Variants in STK32A observed in about 807,000 individuals in gnomAD.
The protein encoded by STK32A is serine/threonine kinase 32A, also known as serine/threonine-protein kinase 32A.
A neutral mutation model predicts 53.2 loss-of-function variants in STK32A; 41 were observed. That is an observed-to-expected ratio of 0.77 (90% confidence interval 0.60 to 1.00). The LOEUF (loss-of-function observed/expected upper bound fraction) is 1.00, where lower values mean the gene tolerates loss of function less well. Ranked by LOEUF, STK32A falls within the 50% of genes least tolerant of loss-of-function variation. The pLI is 0.00. For missense variants in STK32A, 458 were observed against 485.8 expected (o/e 0.94, Z 0.54); for synonymous variants, 166 against 162.8 (o/e 1.02, Z -0.15).
chr5:147,256,751 A>G (rs568331784), intron 2 of STK32A, among the ~76,000 whole-genome samples: 17 of 152,240 alleles, frequency 1.1e-4, no homozygotes, highest in African/African-American at 4.1e-4. Flanking sequence ...ACCTCAGGTG[A>G]TCCCCCTGCC....
chr5:147,307,511 A>G (rs903900941), intron 4 of STK32A, among the ~76,000 whole-genome samples: 2 of 151,842 alleles, frequency 1.3e-5, no homozygotes, highest in Non-Finnish European at 2.9e-5. Flanking sequence ...AATCCCAGCT[A>G]CTTGGGAAGC....
intron 6 of STK32A, among the ~76,000 whole-genome samples, chr5:147,345,858 G>T (rs564371734): frequency 2.3e-4 from 35 of 152,204 alleles, no homozygotes; most frequent in African/African-American, 5.1e-4. Flanking sequence ...GAATTAAGAA[G>T]AGGCTTTTCT....
At chr5:147,401,000 C>T in the STK32A span, among the ~76,000 whole-genome samples, 1 of 152,156 alleles carries the variant, frequency 6.6e-6, no homozygotes, top group African/African-American at 2.4e-5. Context: ...TCTTCCCCTC[C>T]CTGGGCTCAG....
intron 8 of STK32A, among the ~76,000 whole-genome samples, chr5:147,367,870 C>T (rs968872467): frequency 6.6e-6 from 1 of 152,170 alleles, no homozygotes; most frequent in Non-Finnish European, 1.5e-5. Context: ...ACCAACTATG[C>T]TACCTGCAAT....
At position 147,289,337 on chromosome 5, in the gene STK32A, C is replaced by G. The variant is rs567516793; in HGVS notation, c.260+9939C>G. On this transcript the variant is annotated intron_variant, in intron 4 of 12. Transcript: ENST00000397936. ...TATTATTTATAAAGTAACAGCAATACTTTTAAAATTTCTGCCTTCTTTGTG... is the reference window on the plus strand; with the variant it reads ...TATTATTTATAAAGTAACAGCAATAGTTTTAAAATTTCTGCCTTCTTTGTG... 3.3e-5 allele frequency among the ~76,000 whole-genome samples: 5 copies of G among 152,238 alleles called. No individual in the cohort carries two copies. The South Asian group carries it at 1.0e-3, about 32-fold the overall frequency.
intron 4 of STK32A, among the ~76,000 whole-genome samples, chr5:147,311,767 C>T (rs1054865761): frequency 4.6e-5 from 7 of 152,100 alleles, no homozygotes; most frequent in Non-Finnish European, 7.4e-5. Flanking sequence ...AAAAACACAC[C>T]TTTTTAAGAC....
intron 6 of STK32A, 79 bp downstream of exon 6, chr5:147,343,122 C>T (rs2151988829): frequency 1.4e-6 from 2 of 1,460,646 alleles, no homozygotes; most frequent in Non-Finnish European, 1.9e-6. Flanking sequence ...AGGGGTATTA[C>T]ACATGAAAAA....
In STK32A at chr5:147,318,585, T is replaced by C. The variant is rs1754131661; in HGVS notation, c.261-5313T>C. 2.0e-5 allele frequency among the ~76,000 whole-genome samples: 3 copies of C among 150,538 alleles called. No homozygotes were observed. The South Asian group carries it at 6.4e-4, about 32-fold the overall frequency. ...TTTGAGACCAGCGTGGACAACATAG[T>C]GAGCCCTCACCTCTACTAAAAATTA... On this transcript the variant is annotated intron_variant, in intron 4 of 12. Transcript: ENST00000397936.
intron 1 of STK32A, among the ~76,000 whole-genome samples, chr5:147,237,372 G>A (rs1306046065): frequency 6.6e-6 from 1 of 151,994 alleles, no homozygotes; most frequent in Non-Finnish European, 1.5e-5. Flanking sequence ...GCCATCAGTG[G>A]TTCAGTCCTT....
chr5:147,339,413 C>G (rs1201860687), intron 5 of STK32A, among the ~76,000 whole-genome samples: 1 of 152,220 alleles, frequency 6.6e-6, no homozygotes, highest in Non-Finnish European at 1.5e-5. Context: ...GCTACATGGG[C>G]AGAGCCCTTA....
At chr5:147,397,526 T>C in the STK32A span, 1 of 930,436 alleles carries the variant, frequency 1.1e-6, no homozygotes, top group East Asian at 2.6e-5. Context: ...GTCTGTGTAG[T>C]TGTTCTTGGG....
At position 147,279,417 on chromosome 5, in the gene STK32A, C is replaced by T; in HGVS notation, c.260+19C>T. The T allele has an allele frequency of 6.4e-7, 1 of 1,554,904 alleles. No individual in the cohort carries two copies. Among genetic ancestry groups the T allele is most frequent in the Non-Finnish European group, 8.7e-7 (1 of 1,148,828 alleles). ...ATTTGTGGTGAGTAATTTTACTGGACCTCTGAATAGAGACACTCCTGTTAT... is the reference window on the plus strand; with the variant it reads ...ATTTGTGGTGAGTAATTTTACTGGATCTCTGAATAGAGACACTCCTGTTAT... On this transcript the variant is annotated intron_variant, in intron 4 of 12. Coordinates refer to ENST00000397936, the MANE Select transcript of STK32A (RefSeq NM_001112724.2).
intron 11 of STK32A, among the ~76,000 whole-genome samples, chr5:147,379,192 T>G (rs1757354943): frequency 6.6e-6 from 1 of 151,854 alleles, no homozygotes; most frequent in South Asian, 2.1e-4. Flanking sequence ...CAGTTGTGAA[T>G]GGGAGTTCAT....
chr5:147,312,753 T>C (rs962572252), intron 4 of STK32A, among the ~76,000 whole-genome samples: 1 of 152,212 alleles, frequency 6.6e-6, no homozygotes, highest in Non-Finnish European at 1.5e-5. Flanking sequence ...AGCGCTGAAA[T>C]AGGCACTGAC....
intron 5 of STK32A, among the ~76,000 whole-genome samples, chr5:147,331,815 GA>G (rs1417407938): frequency 6.6e-6 from 1 of 152,128 alleles, no homozygotes; most frequent in East Asian, 1.9e-4. Context: ...GAAGATGGGG[GA>G]TTGATGTGAT....
chr5:147,347,934 C>A (rs1019017791), intron 6 of STK32A, among the ~76,000 whole-genome samples: 3 of 152,144 alleles, frequency 2.0e-5, no homozygotes, highest in Admixed American at 1.3e-4. Context: ...TCCAGTAGAA[C>A]CTGACCCTCA....
the STK32A span, chr5:147,397,546 G>T: frequency 9.2e-7 from 1 of 1,083,718 alleles, no homozygotes; most frequent in Non-Finnish European, 1.3e-6. Context: ...GGACAAGACT[G>T]TCACTGAATT....
At chr5:147,363,468 G>A (rs913295245) in intron 8 of STK32A, among the ~76,000 whole-genome samples, 8 of 152,120 alleles carry the variant, frequency 5.3e-5, no homozygotes, top group South Asian at 4.1e-4. Context: ...CCTGCCCTTC[G>A]AAACAGAGGT....
At chr5:147,327,620 G>A (rs1421811444) in intron 5 of STK32A, among the ~76,000 whole-genome samples, 5 of 152,336 alleles carry the variant, frequency 3.3e-5, no homozygotes, top group African/African-American at 4.8e-5. Context: ...GGTTTCCTGG[G>A]TACCAGGCTG....
Sources: allele counts gnomAD v4.1 joint callset (sites outside exome capture counted in the v4.1 genomes callset), GRCh38; gene constraint gnomAD v4.1.1; transcripts MANE v1.5; gene names NCBI Gene and HGNC (gene_info 2026-07-23, HGNC 2026-07-21).